The following SLC28A3 variants were observed in gnomAD, a reference collection of about 807,000 sequenced individuals.
The protein encoded by SLC28A3 is solute carrier family 28 member 3.
SLC28A3 carries 68 observed loss-of-function variants against 84.2 expected under a neutral mutation model. The observed-to-expected ratio is 0.81, with a 90% confidence interval of 0.66 to 0.99. SLC28A3 has a LOEUF of 0.99. SLC28A3 is among the 50% of genes least tolerant of loss of function. The pLI, the probability that SLC28A3 is intolerant of heterozygous loss-of-function variation, is 0.00. For synonymous variants in SLC28A3, 267 were observed against 303.6 expected (o/e 0.88, Z 1.25); for missense variants, 712 against 841.5 (o/e 0.85, Z 1.90).
At position 84,306,013 on chromosome 9, in the gene SLC28A3, G is replaced by A. The variant is rs10512147; in HGVS notation, c.243-668C>T. On this transcript the variant is annotated intron_variant, in intron 3 of 17. Coordinates refer to ENST00000376238, the MANE Select transcript of SLC28A3 (RefSeq NM_001199633.2). ...AGTGTGTGAGTAATGTGTAGGTTGG[G>A]TCATGTCTTCGGAGGAGGATCGTGT... 0.025 allele frequency among the ~76,000 whole-genome samples: 3,839 copies of A among 152,220 alleles called. 288 individuals are homozygous for A. In the East Asian group the frequency reaches 0.26, roughly 10 times the overall value.
chr9:84,315,217 A>T (rs73466534), intron 1 of SLC28A3, among the ~76,000 whole-genome samples: 3,445 of 152,276 alleles, frequency 0.023, 135 homozygotes, highest in African/African-American at 0.079. Flanking sequence ...GTGGATGCTA[A>T]AATGTTCCTT....
intron 4 of SLC28A3, among the ~76,000 whole-genome samples, chr9:84,304,837 C>T (rs2118336468): frequency 6.6e-6 from 1 of 152,290 alleles, no homozygotes; most frequent in African/African-American, 2.4e-5. Context: ...GCCCGGCCAA[C>T]ACAGTGAAAC....
intron 8 of SLC28A3, among the ~76,000 whole-genome samples, chr9:84,296,251 G>C (rs1448578879): frequency 1.3e-5 from 2 of 152,170 alleles, no homozygotes; most frequent in Admixed American, 1.3e-4. Flanking sequence ...CAGCTAAACT[G>C]CCAGGTAGAG....
the SLC28A3 span, among the ~76,000 whole-genome samples, chr9:84,355,892 C>A: frequency 3.3e-4 from 51 of 152,266 alleles, 1 homozygote; most frequent in East Asian, 8.9e-3. Flanking sequence ...TGGCTCACTG[C>A]AGCCTTGACC....
chr9:84,279,401 A>G lies in SLC28A3; in HGVS notation c.1829-16T>C. The G allele has an allele frequency of 6.8e-7, 1 of 1,467,312 alleles. No homozygotes were observed. Among genetic ancestry groups the G allele is most frequent in the Non-Finnish European group, 9.0e-7 (1 of 1,110,030 alleles). The allele number at this position is 1,467,312 out of a possible 1,614,324, so 90.9% of individuals were successfully genotyped here. ...GAGAGTATGCCTAGAAGTGGAACAG[A>G]GTCCCATTTATTTATTATTTTTTAG... is the stretch of plus-strand genomic sequence containing the variant. On this transcript the variant is annotated splice_polypyrimidine_tract_variant and intron_variant, in intron 16 of 17. Transcript: ENST00000376238.
chr9:84,304,828 C>G (rs1825738184), intron 4 of SLC28A3, among the ~76,000 whole-genome samples: 1 of 152,136 alleles, frequency 6.6e-6, no homozygotes, highest in African/African-American at 2.4e-5. Flanking sequence ...TCGAGACCAG[C>G]CCGGCCAACA....
At chr9:84,286,207 G>T in intron 12 of SLC28A3, 96 bp from the exon 13 acceptor site, 1 of 1,234,586 alleles carries the variant, frequency 8.1e-7, no homozygotes, top group Non-Finnish European at 1.1e-6. Flanking sequence ...TTAGATAAGA[G>T]ACAAACTCTA....
At chr9:84,299,341 CAG>C (rs1215578628) in intron 6 of SLC28A3, among the ~76,000 whole-genome samples, 1 of 152,198 alleles carries the variant, frequency 6.6e-6, no homozygotes, top group African/African-American at 2.4e-5. Flanking sequence ...TTAGACTTGA[CAG>C]GGAGAGAACG....
At chr9:84,291,697 A>G (rs1825229938) in intron 10 of SLC28A3, among the ~76,000 whole-genome samples, 1 of 152,220 alleles carries the variant, frequency 6.6e-6, no homozygotes, top group Admixed American at 6.5e-5. Flanking sequence ...AAGAAGTTTC[A>G]GCCTGCCAGG....
the SLC28A3 span, among the ~76,000 whole-genome samples, chr9:84,358,942 A>T: frequency 2.0e-5 from 3 of 152,154 alleles, no homozygotes; most frequent in East Asian, 5.8e-4. Context: ...AGCTGGGACC[A>T]CAAGCGAGCA....
At chr9:84,326,669 CA>C (rs1564174549) in intron 1 of SLC28A3, among the ~76,000 whole-genome samples, 11 of 151,624 alleles carry the variant, frequency 7.3e-5, no homozygotes, top group African/African-American at 2.7e-4. Context: ...ACAACAACAA[CA>C]ACAACAACAA....
Position 84,340,677 on chromosome 9 carries a change from A to G in SLC28A3, c.-44T>C, listed in dbSNP as rs201277652. 68 of 1,611,824 alleles carry G rather than the reference A, an allele frequency of 4.2e-5. No individual in the cohort carries two copies. The highest frequency in any genetic ancestry group is 5.6e-5 in the Non-Finnish European group (66 of 1,178,460). On this transcript the variant is annotated 5_prime_UTR_variant, in exon 1 of 18. Transcript: ENST00000376238. ...TGGCTCTGGTCTGGAGGTCCTTTGT[A>G]CCTGGGAAAAAGCACCAGTCTCTGC...
intron 8 of SLC28A3, among the ~76,000 whole-genome samples, chr9:84,296,927 T>C (rs1825436215): frequency 6.6e-6 from 1 of 152,248 alleles, no homozygotes; most frequent in Non-Finnish European, 1.5e-5. Flanking sequence ...TATTACCCTT[T>C]TGATTTTTCC....
At chr9:84,341,599 T>G (rs1005604570), upstream of SLC28A3, among the ~76,000 whole-genome samples, 6 of 152,216 alleles carry the variant, frequency 3.9e-5, no homozygotes, top group African/African-American at 1.4e-4. Flanking sequence ...TTCCAAAACC[T>G]TTTATTACAT....
At chr9:84,303,461 C>T (rs924562914) in intron 4 of SLC28A3, among the ~76,000 whole-genome samples, 1 of 152,210 alleles carries the variant, frequency 6.6e-6, no homozygotes, top group Non-Finnish European at 1.5e-5. Context: ...CCTGGGATTA[C>T]AGGCATGTGC....
At chr9:84,321,752 A>G (rs1160097135) in intron 1 of SLC28A3, among the ~76,000 whole-genome samples, 6 of 150,720 alleles carry the variant, frequency 4.0e-5, no homozygotes, top group South Asian at 2.1e-4. Context: ...AAAAAAAAAA[A>G]AAAGAAACAT....
chr9:84,339,024 C>T (rs936877273), intron 1 of SLC28A3, among the ~76,000 whole-genome samples: 23 of 152,106 alleles, frequency 1.5e-4, no homozygotes, highest in African/African-American at 4.8e-4. Flanking sequence ...ACAGAGATGC[C>T]GCTGAGATAA....
At chr9:84,347,103 G>A in the SLC28A3 span, among the ~76,000 whole-genome samples, 1 of 150,862 alleles carries the variant, frequency 6.6e-6, no homozygotes, top group Non-Finnish European at 1.5e-5. Context: ...TTGAACCCAG[G>A]AGCACAGTTG....
chr9:84,301,454 G>A (rs1825635790), intron 5 of SLC28A3, among the ~76,000 whole-genome samples: 1 of 151,628 alleles, frequency 6.6e-6, no homozygotes, highest in African/African-American at 2.4e-5. Context: ...AAAATATAGG[G>A]TAGATATCTC....
Sources: gnomAD v4.1 joint callset for allele counts (sites outside exome capture counted in the v4.1 genomes callset) on GRCh38, gnomAD v4.1.1 for gene constraint, MANE v1.5 for transcripts, NCBI Gene and HGNC (gene_info 2026-07-23, HGNC 2026-07-21) for gene names.